Variants in DLGAP1 observed in about 807,000 individuals in gnomAD.
The protein encoded by DLGAP1 is disks large-associated protein 1.
In DLGAP1, 11 loss-of-function variants were observed where a neutral mutation model predicts 90.8. That is an observed-to-expected ratio of 0.12 (90% CI 0.08 to 0.20). The LOEUF is 0.20. DLGAP1 is among the 10% of genes least tolerant of loss of function. DLGAP1 has a pLI of 1.00. For synonymous variants in DLGAP1, 558 were observed against 540.7 expected (o/e 1.03, Z -0.44); for missense variants, 1,050 against 1,333.8 (o/e 0.79, Z 3.31).
At chr18:3,667,372 C>A (rs574740225) in intron 7 of DLGAP1, among the ~76,000 whole-genome samples, 2 of 152,278 alleles carry the variant, frequency 1.3e-5, no homozygotes, top group South Asian at 4.1e-4. Context: ...GCTTACCATC[C>A]ATGTGAACTT....
chr18:4,066,113 G>A (rs1383687340), intron 2 of DLGAP1, among the ~76,000 whole-genome samples: 1 of 152,148 alleles, frequency 6.6e-6, no homozygotes, highest in African/African-American at 2.4e-5. Flanking sequence ...GCCATATGCA[G>A]AAGACTAAAA....
intron 7 of DLGAP1, among the ~76,000 whole-genome samples, chr18:3,666,672 C>T (rs552183107): frequency 1.3e-5 from 2 of 152,326 alleles, no homozygotes; most frequent in South Asian, 4.1e-4. Flanking sequence ...CCATCCTTAG[C>T]AGAATCTCCT....
intron 1 of DLGAP1, among the ~76,000 whole-genome samples, chr18:4,301,023 GT>G (rs1455984852): frequency 8.5e-5 from 13 of 152,138 alleles, no homozygotes; most frequent in Non-Finnish European, 1.5e-4. Context: ...AGTTGTAGAT[GT>G]TTATGGGATA....
chr18:3,595,306 G>A (rs745811357), intron 7 of DLGAP1, among the ~76,000 whole-genome samples: 13 of 152,202 alleles, frequency 8.5e-5, no homozygotes, highest in Non-Finnish European at 1.3e-4. Flanking sequence ...ATTAAATGGT[G>A]TTTGGAGGAA....
chr18:3,627,540 T>C (rs956819616), intron 7 of DLGAP1, among the ~76,000 whole-genome samples: 1 of 152,142 alleles, frequency 6.6e-6, no homozygotes, highest in Non-Finnish European at 1.5e-5. Context: ...CTCTAATGGG[T>C]GGGCGTATCA....
chr18:3,992,262 G>A (rs2073984905), intron 3 of DLGAP1, among the ~76,000 whole-genome samples: 1 of 152,236 alleles, frequency 6.6e-6, no homozygotes, highest in African/African-American at 2.4e-5. Flanking sequence ...GTAAAGTAGG[G>A]AAGTCTGCAG....
Position 4,378,039 on chromosome 18 carries a change from T to C in DLGAP1, c.-267+76967A>G, listed in dbSNP as rs977611418. ...TATGAAATCTATCTATTTTTGTCTA[T>C]GTGTTTTTATATATACATATTATAA... On this transcript the variant is annotated intron_variant, in intron 1 of 12. Coordinates refer to ENST00000315677, the MANE Select transcript of DLGAP1 (RefSeq NM_004746.4). This position sits in a 1 kb window ranked among gnomAD's most constrained non-coding sequence, Gnocchi z 4.5. Among the ~76,000 whole-genome samples, 13 of 150,452 alleles carry C rather than the reference T, an allele frequency of 8.6e-5. No individual in the cohort carries two copies. Among genetic ancestry groups the C allele is most frequent in the Non-Finnish European group, 1.9e-4 (13 of 67,644 alleles).
chr18:4,344,648 G>A (rs1333772147), intron 1 of DLGAP1, among the ~76,000 whole-genome samples: 1 of 152,144 alleles, frequency 6.6e-6, no homozygotes, highest in East Asian at 1.9e-4. Flanking sequence ...CACACATTAT[G>A]TGCCAGGTCT....
At chr18:3,583,184 A>ACATT (rs1555688599) in intron 7 of DLGAP1, among the ~76,000 whole-genome samples, 18 of 127,704 alleles carry the variant, frequency 1.4e-4, no homozygotes, top group African/African-American at 4.7e-4. Context: ...CTACCTACCT[A>ACATT]CCTTCCTTCC....
At chr18:3,784,542 A>T (rs188201557) in intron 5 of DLGAP1, among the ~76,000 whole-genome samples, 1 of 152,258 alleles carries the variant, frequency 6.6e-6, no homozygotes, top group East Asian at 1.9e-4. Flanking sequence ...ATTTTCTCCC[A>T]ATCAACGGCA....
At chr18:3,720,888 C>CAAAAAAAAAAAAAAA (rs1186426563) in intron 7 of DLGAP1, among the ~76,000 whole-genome samples, 1,908 of 50,142 alleles carry the variant, frequency 0.038, 269 homozygotes, top group East Asian at 0.11. Context: ...CTTGTCTCTA[C>CAAAAAAAAAAAAAAA]AAAAAAAAAA....
rs57334232 is a variant in DLGAP1 at position 4,386,742 on chromosome 18, C to T, written c.-267+68264G>A. Among the ~76,000 whole-genome samples, 1,347 of 152,248 alleles carry T rather than the reference C, an allele frequency of 8.8e-3. 18 individuals carry two copies. The highest frequency in any genetic ancestry group is 0.031 in the African/African-American group (1,295 of 41,562). On this transcript the variant is annotated intron_variant, in intron 1 of 12. Transcript: ENST00000315677. ...CAACTCTTTTAGAGACCATTACAAA[C>T]TGACTGTCTGGGAGAACAACACTCT...
At chr18:3,797,974 C>A (rs1018609490) in intron 5 of DLGAP1, among the ~76,000 whole-genome samples, 3 of 152,152 alleles carry the variant, frequency 2.0e-5, no homozygotes, top group African/African-American at 7.2e-5. Flanking sequence ...TAAGGGGAAA[C>A]CCCTATCGCT....
intron 5 of DLGAP1, chr18:3,770,848 G>C (rs1406832225): frequency 6.6e-6 from 1 of 152,178 alleles, no homozygotes; most frequent in Admixed American, 6.5e-5. Context: ...GAAATAATGA[G>C]TACTGTTGGT....
intron 10 of DLGAP1, among the ~76,000 whole-genome samples, chr18:3,519,067 C>T (rs1425656431): frequency 6.6e-6 from 1 of 152,156 alleles, no homozygotes; most frequent in East Asian, 1.9e-4. Flanking sequence ...TTTCCCCCAG[C>T]CATCAGAGCT....
chr18:3,928,423 A>AGG (rs1160051723), intron 3 of DLGAP1, among the ~76,000 whole-genome samples: 1 of 152,238 alleles, frequency 6.6e-6, no homozygotes, highest in African/African-American at 2.4e-5. Context: ...GATGCAAGAA[A>AGG]GGGGATTGGA....
chr18:4,176,023 G>T (rs562505698), intron 1 of DLGAP1, among the ~76,000 whole-genome samples: 1 of 152,258 alleles, frequency 6.6e-6, no homozygotes, highest in African/African-American at 2.4e-5. Context: ...TGGGCAGTAT[G>T]GCCATTTTCA....
intron 1 of DLGAP1, among the ~76,000 whole-genome samples, chr18:4,242,980 AGCAGTCCTCAGT>A (rs1192245147): frequency 2.6e-5 from 4 of 152,108 alleles, no homozygotes; most frequent in Non-Finnish European, 5.9e-5. Context: ...GTGGCCATGG[AGCAGTCCTCAGT>A]GGCCCTCATC....
intron 1 of DLGAP1, among the ~76,000 whole-genome samples, chr18:4,292,995 A>T (rs1010488867): frequency 2.0e-5 from 3 of 152,214 alleles, no homozygotes. Flanking sequence ...GTTGACATTT[A>T]CTTACCTATT....
Sources: allele counts gnomAD v4.1 joint callset (sites outside exome capture counted in the v4.1 genomes callset), GRCh38; gene constraint gnomAD v4.1.1; non-coding constraint Gnocchi (gnomAD v3.1); transcripts MANE v1.5; gene names NCBI Gene and HGNC (gene_info 2026-07-23, HGNC 2026-07-21).